CAST: variants seen among roughly 807,000 people sequenced by gnomAD.
CAST encodes calpastatin.
CAST carries 76 observed loss-of-function variants against 119.6 expected under a neutral mutation model. The observed-to-expected ratio is 0.64, with a 90% CI of 0.53 to 0.77. The LOEUF (loss-of-function observed/expected upper bound fraction) is 0.77, where lower values mean the gene tolerates loss of function less well. Ranked by LOEUF, CAST falls within the 30% of genes least tolerant of loss-of-function variation. CAST has a pLI of 0.00. For missense variants in CAST, 953 were observed against 946.5 expected, an observed-to-expected ratio of 1.01 and a Z score of -0.09; for synonymous variants, 319 against 331.6, an observed-to-expected ratio of 0.96 and a Z score of 0.41.
chr5:96,151,709 A>G, the CAST span, among the ~76,000 whole-genome samples: 1 of 152,252 alleles, frequency 6.6e-6, no homozygotes, highest in Admixed American at 6.5e-5. Flanking sequence ...AACAGCATCC[A>G]ATAAACATTT....
the CAST span, among the ~76,000 whole-genome samples, chr5:96,084,366 T>C: frequency 1.6e-4 from 25 of 152,108 alleles, no homozygotes; most frequent in Non-Finnish European, 2.9e-4. Flanking sequence ...AAAGGATGAA[T>C]ATTCAAAGAG....
the CAST span, among the ~76,000 whole-genome samples, chr5:96,075,763 A>G: frequency 6.6e-6 from 1 of 152,330 alleles, no homozygotes; most frequent in South Asian, 2.1e-4. Flanking sequence ...AGATTGCTTT[A>G]TTCCCTGGGC....
At chr5:96,032,561 A>G in the CAST span, among the ~76,000 whole-genome samples, 1,203 of 152,260 alleles carry the variant, frequency 7.9e-3, 17 homozygotes, top group African/African-American at 0.028. Flanking sequence ...ACAGGAGCTA[A>G]AAAATGCTAG....
chr5:96,226,626 C>T, the CAST span, among the ~76,000 whole-genome samples: 1 of 152,188 alleles, frequency 6.6e-6, no homozygotes, highest in East Asian at 1.9e-4. Flanking sequence ...CACTGCACTT[C>T]AGCCTGGGTG....
the CAST span, among the ~76,000 whole-genome samples, chr5:96,066,478 C>A: frequency 6.6e-6 from 1 of 151,762 alleles, no homozygotes; most frequent in African/African-American, 2.4e-5. Flanking sequence ...TTGTTTTGAG[C>A]CAGTTTCAGG....
the CAST span, among the ~76,000 whole-genome samples, chr5:96,370,687 T>C: frequency 6.6e-6 from 1 of 152,218 alleles, no homozygotes; most frequent in African/African-American, 2.4e-5. Flanking sequence ...GAGTTTGGAT[T>C]GTAAGTGCCT....
the CAST span, among the ~76,000 whole-genome samples, chr5:96,111,638 G>A: frequency 1.3e-5 from 2 of 152,136 alleles, no homozygotes; most frequent in Non-Finnish European, 2.9e-5. Context: ...TCAGGAAGTT[G>A]CTAGTGTTTT....
chr5:96,311,637 C>A, the CAST span, among the ~76,000 whole-genome samples: 1 of 151,966 alleles, frequency 6.6e-6, no homozygotes, highest in Non-Finnish European at 1.5e-5. Flanking sequence ...ATGAAATCAC[C>A]AGTTTATCAT....
chr5:96,636,196 A>G (rs1442415723), intron 1 of CAST, among the ~76,000 whole-genome samples: 2 of 152,214 alleles, frequency 1.3e-5, no homozygotes, highest in Non-Finnish European at 2.9e-5. Context: ...TTAAGGCCTC[A>G]TGTCATCAAA....
chr5:96,619,973 A>G (rs1036383423), intron 1 of CAST, among the ~76,000 whole-genome samples: 1 of 152,220 alleles, frequency 6.6e-6, no homozygotes, highest in Non-Finnish European at 1.5e-5. Context: ...CCACTTCTGT[A>G]AAATAAAGAC....
chr5:96,643,688 C>A (rs530646523), intron 1 of CAST, among the ~76,000 whole-genome samples: 1 of 152,126 alleles, frequency 6.6e-6, no homozygotes, highest in Non-Finnish European at 1.5e-5. Flanking sequence ...ACCTGGCCAA[C>A]ATGGTGAAAC....
At chr5:96,357,508 C>T in the CAST span, among the ~76,000 whole-genome samples, 15 of 152,258 alleles carry the variant, frequency 9.9e-5, no homozygotes, top group East Asian at 1.9e-4. Context: ...TACCTTCCAA[C>T]GATACCTAGT....
chr5:96,079,768 ATTATT>A, the CAST span, among the ~76,000 whole-genome samples: 2 of 152,134 alleles, frequency 1.3e-5, no homozygotes, highest in African/African-American at 2.4e-5. Flanking sequence ...CTTGGTTATT[ATTATT>A]TTTAACTTAA....
In CAST at chr5:96,743,803, C is replaced by G. The variant is rs999044223; in HGVS notation, c.1200+1047C>G. On this transcript the variant is annotated intron_variant, in intron 16 of 31. Coordinates refer to ENST00000675179, the MANE Select transcript of CAST (RefSeq NM_001750.7). ...ACAACACAATGTGAGATATACATTA[C>G]TTAGAGTAGCCGACAGAAGCAGTGT... is the stretch of plus-strand genomic sequence containing the variant. The G allele has an allele frequency of 2.7e-6, 3 of 1,110,940 alleles. No individual in the cohort carries two copies. The African/African-American group carries it at 4.8e-5, about 18-fold the overall frequency. 68.8% of individuals were successfully genotyped at this position (1,110,940 alleles called of 1,614,324 possible). A position where few individuals can be genotyped will look rare whatever the true frequency, so the allele number is the denominator to read the frequency against.
At chr5:96,718,269 G>C (rs1300339493) in intron 3 of CAST, among the ~76,000 whole-genome samples, 1 of 152,172 alleles carries the variant, frequency 6.6e-6, no homozygotes, top group Non-Finnish European at 1.5e-5. Context: ...TCATATAGTA[G>C]AGTTGCTGAT....
chr5:96,214,265 G>A, the CAST span, among the ~76,000 whole-genome samples: 3 of 152,108 alleles, frequency 2.0e-5, no homozygotes, highest in South Asian at 6.2e-4. Flanking sequence ...AAACATGATG[G>A]CAATCTATTT....
the CAST span, among the ~76,000 whole-genome samples, chr5:95,993,246 C>A: frequency 2.0e-5 from 3 of 152,106 alleles, no homozygotes; most frequent in African/African-American, 7.2e-5. Context: ...TGATCCTTAC[C>A]TTAGACCCTA....
chr5:96,442,158 G>A, the CAST span, among the ~76,000 whole-genome samples: 2 of 152,120 alleles, frequency 1.3e-5, no homozygotes, highest in Non-Finnish European at 2.9e-5. Flanking sequence ...CCACTTATGT[G>A]GAATAGTTTG....
chr5:96,237,445 A>G, the CAST span, among the ~76,000 whole-genome samples: 1 of 152,310 alleles, frequency 6.6e-6, no homozygotes, highest in African/African-American at 2.4e-5. Flanking sequence ...ATTAGTTTCT[A>G]AAAATGGTGT....
Sources: allele counts gnomAD v4.1 joint callset (sites outside exome capture counted in the v4.1 genomes callset), GRCh38; gene constraint gnomAD v4.1.1; transcripts MANE v1.5; gene names NCBI Gene and HGNC (gene_info 2026-07-23, HGNC 2026-07-21).